NRXN3: variants seen among roughly 807,000 people sequenced by gnomAD.
The protein encoded by NRXN3 is neurexin III.
Under a neutral mutation model 137.6 loss-of-function variants are expected in NRXN3, and 32 were observed. The ratio of observed to expected loss-of-function variants is 0.23; its 90% CI spans 0.18 to 0.31. The LOEUF (loss-of-function observed/expected upper bound fraction) is 0.31. NRXN3 is among the 10% of genes least tolerant of loss of function. The pLI is 1.00. For missense variants in NRXN3, 1,574 were observed against 2,062.5 expected, an observed-to-expected ratio of 0.76 and a Z score of 4.59; for synonymous variants, 798 against 784.5, an observed-to-expected ratio of 1.02 and a Z score of -0.29.
At chr14:79,596,955 G>A (rs2097864331) in intron 16 of NRXN3, among the ~76,000 whole-genome samples, 1 of 152,122 alleles carries the variant, frequency 6.6e-6, no homozygotes, top group South Asian at 2.1e-4. Flanking sequence ...GTGACTTATG[G>A]AGTCGTAACT....
chr14:78,310,259 G>C (rs1379824384), intron 4 of NRXN3, among the ~76,000 whole-genome samples: 1 of 118,660 alleles, frequency 8.4e-6, no homozygotes, highest in Non-Finnish European at 1.7e-5. Flanking sequence ...GTTATGAATG[G>C]CTTTTTTTTT....
At chr14:79,771,942 A>G (rs938335734) in intron 19 of NRXN3, among the ~76,000 whole-genome samples, 1 of 132,812 alleles carries the variant, frequency 7.5e-6, no homozygotes, top group East Asian at 2.0e-4. Context: ...AGGATACAAA[A>G]TCAATGTACA....
At chr14:79,087,458 C>T (rs577157423) in intron 15 of NRXN3, among the ~76,000 whole-genome samples, 3 of 152,132 alleles carry the variant, frequency 2.0e-5, no homozygotes, top group Non-Finnish European at 4.4e-5. Context: ...GGGGAAAGTA[C>T]ATATTTATAA....
At chr14:78,837,642 C>T (rs1180765007) in intron 10 of NRXN3, among the ~76,000 whole-genome samples, 1 of 152,138 alleles carries the variant, frequency 6.6e-6, no homozygotes, top group Non-Finnish European at 1.5e-5. Flanking sequence ...ATGCCTGTCC[C>T]TGCCACTTCT....
Position 79,697,943 on chromosome 14 carries a change from C to T in NRXN3, c.4014+6C>T. The T allele has an allele frequency of 6.2e-7, 1 of 1,605,746 alleles. No individual in the cohort carries two copies. Among genetic ancestry groups the T allele is most frequent in the Non-Finnish European group, 8.5e-7 (1 of 1,173,570 alleles). On this transcript the variant is annotated splice_donor_region_variant and intron_variant, in intron 19 of 20. Coordinates refer to ENST00000335750, the MANE Select transcript of NRXN3 (RefSeq NM_001330195.2). ...GCTCTACAGCCAGCATTCAGGTAGG[C>T]CTTTTTCCAAGTATTAATTGCGTCT...
chr14:79,806,705 G>A (rs1024868574), intron 20 of NRXN3, among the ~76,000 whole-genome samples: 10 of 148,788 alleles, frequency 6.7e-5, no homozygotes, highest in Non-Finnish European at 1.5e-4. Context: ...CTAGATTTGA[G>A]TCCTTCCTAT....
At chr14:78,289,929 A>G (rs892701030) in intron 3 of NRXN3, among the ~76,000 whole-genome samples, 7 of 152,156 alleles carry the variant, frequency 4.6e-5, no homozygotes, top group African/African-American at 1.7e-4. Context: ...AAACAAAACA[A>G]AACAAAACTG....
chr14:79,660,190 A>G (rs2098526819), intron 16 of NRXN3, among the ~76,000 whole-genome samples: 2 of 152,170 alleles, frequency 1.3e-5, no homozygotes, highest in South Asian at 4.1e-4. Flanking sequence ...GCTGTGCATG[A>G]TAGTTTCAAG....
intron 18 of NRXN3, 117 bp from the exon 19 acceptor site, chr14:79,697,513 T>C (rs1486840365): frequency 7.8e-6 from 8 of 1,027,108 alleles, no homozygotes; most frequent in Non-Finnish European, 9.8e-6. Flanking sequence ...TGTCTATTTT[T>C]TCCTCCCCTT....
chr14:79,253,106 A>G (rs2076146699), intron 15 of NRXN3, among the ~76,000 whole-genome samples: 1 of 152,152 alleles, frequency 6.6e-6, no homozygotes, highest in Admixed American at 6.5e-5. Context: ...GTTCCAGGTC[A>G]AGTTTGAAAC....
At chr14:78,859,001 T>C in intron 10 of NRXN3, among the ~76,000 whole-genome samples, 1 of 152,152 alleles carries the variant, frequency 6.6e-6, no homozygotes, top group Non-Finnish European at 1.5e-5. Context: ...CCTCAAATTG[T>C]AATCCCTGTT....
chr14:79,652,813 G>A (rs930422051), intron 16 of NRXN3, among the ~76,000 whole-genome samples: 1 of 151,886 alleles, frequency 6.6e-6, no homozygotes, highest in African/African-American at 2.4e-5. Context: ...TGCTGTCATG[G>A]AGGTCATAGG....
intron 4 of NRXN3, among the ~76,000 whole-genome samples, chr14:78,335,987 A>T (rs895328895): frequency 2.6e-5 from 4 of 152,128 alleles, no homozygotes; most frequent in Admixed American, 6.5e-5. Context: ...CACAAAGTAG[A>T]CTCAGGAAAA....
chr14:79,391,603 A>G (rs1043888918), intron 15 of NRXN3, among the ~76,000 whole-genome samples: 9 of 152,232 alleles, frequency 5.9e-5, no homozygotes, highest in Non-Finnish European at 4.4e-5. Context: ...ATATCGTAAA[A>G]CTAAAGGGTG....
chr14:79,563,017 A>G (rs721955), intron 16 of NRXN3, among the ~76,000 whole-genome samples: 150,914 of 152,230 alleles, frequency 0.99, 74,816 homozygotes, highest in East Asian at 1. Flanking sequence ...GGGAAAACAT[A>G]TAACCCACCC....
chr14:78,679,038 C>G (rs779371184), intron 6 of NRXN3, among the ~76,000 whole-genome samples: 2 of 152,016 alleles, frequency 1.3e-5, no homozygotes, highest in Non-Finnish European at 2.9e-5. Flanking sequence ...CTCCTTCAGA[C>G]GATAAAGCAA....
intron 15 of NRXN3, among the ~76,000 whole-genome samples, chr14:79,325,862 A>G (rs1365603988): frequency 6.6e-6 from 1 of 152,134 alleles, no homozygotes; most frequent in African/African-American, 2.4e-5. Flanking sequence ...AGACAGGGCC[A>G]TCGTGAGATG....
At chr14:79,710,366 A>T (rs1347626861) in intron 19 of NRXN3, among the ~76,000 whole-genome samples, 1 of 152,178 alleles carries the variant, frequency 6.6e-6, no homozygotes, top group Non-Finnish European at 1.5e-5. Flanking sequence ...AAAATAATAA[A>T]AATCTATTTA....
At chr14:79,522,374 C>T (rs1006458878) in intron 16 of NRXN3, among the ~76,000 whole-genome samples, 1 of 152,080 alleles carries the variant, frequency 6.6e-6, no homozygotes, top group Non-Finnish European at 1.5e-5. Flanking sequence ...GCTTTCTCTT[C>T]CAAGGAGCCT....
Sources: allele counts gnomAD v4.1 joint callset (sites outside exome capture counted in the v4.1 genomes callset), GRCh38; gene constraint gnomAD v4.1.1; transcripts MANE v1.5; gene names NCBI Gene and HGNC (gene_info 2026-07-23, HGNC 2026-07-21).